The following DLG2 variants were observed in gnomAD, a reference collection of about 807,000 sequenced individuals.
DLG2 encodes disks large homolog 2.
Under a neutral mutation model 132.5 loss-of-function variants are expected in DLG2, and 45 were observed. The observed-to-expected ratio is 0.34, with a 90% CI of 0.27 to 0.44. DLG2 has a LOEUF of 0.44. Ranked by LOEUF, DLG2 falls within the 20% of genes least tolerant of loss-of-function variation. The pLI, the probability that DLG2 is intolerant of heterozygous loss-of-function variation, is 1.00. For missense variants in DLG2, 1,045 were observed against 1,196.9 expected, an observed-to-expected ratio of 0.87 and a Z score of 1.87; for synonymous variants, 424 against 419.6, an observed-to-expected ratio of 1.01 and a Z score of -0.13.
chr11:84,904,476 A>T (rs2091274453), intron 6 of DLG2, among the ~76,000 whole-genome samples: 2 of 152,122 alleles, frequency 1.3e-5, no homozygotes, highest in Non-Finnish European at 1.5e-5. Context: ...TTTTTAACTA[A>T]ATCAGACTAT....
rs374998856 is a variant in DLG2 at position 85,471,271 on chromosome 11, G to A, written c.40+127386C>T. On this transcript the variant is annotated intron_variant, in intron 3 of 27. Transcript: ENST00000376104. ...TTGATCTCTGCTTCAGAAACTTCATGTTTATATTCAAGTTAAGATATATAA... is the reference window on the plus strand; with the variant it reads ...TTGATCTCTGCTTCAGAAACTTCATATTTATATTCAAGTTAAGATATATAA... 1.2e-3 allele frequency among the ~76,000 whole-genome samples: 177 copies of A among 152,150 alleles called. 2 individuals are homozygous for A. In the South Asian group the frequency reaches 0.017, roughly 15 times the overall value.
At chr11:84,966,517 G>T (rs1016315202) in intron 6 of DLG2, among the ~76,000 whole-genome samples, 2 of 152,098 alleles carry the variant, frequency 1.3e-5, no homozygotes, top group Non-Finnish European at 2.9e-5. Context: ...ATAAAGGAAG[G>T]ATTGGAAGAC....
At chr11:85,121,965 A>G (rs1175201491) in intron 5 of DLG2, among the ~76,000 whole-genome samples, 1 of 152,072 alleles carries the variant, frequency 6.6e-6, no homozygotes, top group Non-Finnish European at 1.5e-5. Context: ...GTGTGTGTGT[A>G]GTATGTATGT....
At chr11:84,741,868 C>T (rs1297939566) in intron 6 of DLG2, among the ~76,000 whole-genome samples, 2 of 151,888 alleles carry the variant, frequency 1.3e-5, no homozygotes, top group Non-Finnish European at 2.9e-5. Context: ...AAATAATTAT[C>T]TTAAGGAAGC....
At chr11:84,362,959 G>A (rs1420916878) in intron 7 of DLG2, among the ~76,000 whole-genome samples, 3 of 151,884 alleles carry the variant, frequency 2.0e-5, no homozygotes, top group Non-Finnish European at 2.9e-5. Flanking sequence ...GAATAGTGCT[G>A]CAATAAACAT....
chr11:83,908,409 C>T (rs182396147), intron 15 of DLG2, among the ~76,000 whole-genome samples: 1 of 152,048 alleles, frequency 6.6e-6, no homozygotes, highest in Admixed American at 6.6e-5. Flanking sequence ...CTGAAGCACC[C>T]TGTATTGATT....
chr11:85,511,874 T>C (rs286541), intron 3 of DLG2, among the ~76,000 whole-genome samples: 134,373 of 151,666 alleles, frequency 0.89, 59,769 homozygotes, highest in Non-Finnish European at 0.91. Context: ...ATTAGGACTA[T>C]AGGCACGTGC....
At chr11:84,793,141 C>T (rs751181346) in intron 6 of DLG2, among the ~76,000 whole-genome samples, 1 of 152,028 alleles carries the variant, frequency 6.6e-6, no homozygotes, top group Non-Finnish European at 1.5e-5. Flanking sequence ...AAAAAATTTT[C>T]GGTTTCCTTC....
intron 6 of DLG2, among the ~76,000 whole-genome samples, chr11:84,568,086 T>C (rs565128018): frequency 1.8e-4 from 28 of 152,216 alleles, no homozygotes; most frequent in Admixed American, 7.8e-4. Flanking sequence ...CAGGAAACAC[T>C]AGAGGAAATG....
chr11:85,047,578 A>C (rs780576493), intron 6 of DLG2, among the ~76,000 whole-genome samples: 1 of 151,916 alleles, frequency 6.6e-6, no homozygotes, highest in Non-Finnish European at 1.5e-5. Flanking sequence ...GTATTACATA[A>C]TCTCCCTGAG....
intron 7 of DLG2, among the ~76,000 whole-genome samples, chr11:84,506,771 T>C (rs570887059): frequency 2.6e-5 from 4 of 152,232 alleles, no homozygotes; most frequent in African/African-American, 9.6e-5. Flanking sequence ...TATTTATATG[T>C]GTAGTATCTG....
intron 6 of DLG2, among the ~76,000 whole-genome samples, chr11:85,007,664 CAAAAAAAAAAAAAAAAA>C (rs57188165): frequency 1.1e-5 from 1 of 88,534 alleles, no homozygotes; most frequent in Admixed American, 1.4e-4. Context: ...GACTCCGTCT[CAAAAAAAAAAAAAAAAA>C]AAAAAAAAAG....
chr11:84,170,631 T>C (rs1253412718), intron 8 of DLG2, among the ~76,000 whole-genome samples: 2 of 152,158 alleles, frequency 1.3e-5, no homozygotes, highest in Non-Finnish European at 2.9e-5. Context: ...TGAGAATGTG[T>C]AGGCCTATCA....
chr11:84,442,706 A>AAAAGAAAGAAAGAAAGAAAGAAAG (rs56224511), intron 7 of DLG2, among the ~76,000 whole-genome samples: 45 of 148,976 alleles, frequency 3.0e-4, no homozygotes, highest in African/African-American at 1.1e-3. Context: ...TAATTAAAAA[A>AAAAGAAAGAAAGAAAGAAAGAAAG]AAAGAAAGAA....
At chr11:83,928,721 C>T (rs559294603) in intron 15 of DLG2, among the ~76,000 whole-genome samples, 6 of 152,156 alleles carry the variant, frequency 3.9e-5, no homozygotes, top group Admixed American at 2.6e-4. Context: ...TATCAAGTCT[C>T]GATTTTCTCA....
chr11:84,241,927 G>A (rs1171464103), intron 8 of DLG2, among the ~76,000 whole-genome samples: 1 of 152,162 alleles, frequency 6.6e-6, no homozygotes, highest in African/African-American at 2.4e-5. Context: ...CTAACAACCT[G>A]ACCTGTGAGA....
intron 9 of DLG2, among the ~76,000 whole-genome samples, chr11:84,120,045 T>G (rs2093830968): frequency 6.6e-6 from 1 of 152,188 alleles, no homozygotes; most frequent in African/African-American, 2.4e-5. Context: ...ATGCCTGAAC[T>G]AATTTCAACT....
intron 7 of DLG2, among the ~76,000 whole-genome samples, chr11:84,304,202 C>T (rs76911410): frequency 0.09 from 13,643 of 152,156 alleles, 664 homozygotes; most frequent in Non-Finnish European, 0.1. Flanking sequence ...AATAATGATG[C>T]TACATGAATT....
intron 7 of DLG2, among the ~76,000 whole-genome samples, chr11:84,440,981 A>G (rs1333713614): frequency 6.6e-6 from 1 of 152,204 alleles, no homozygotes. Context: ...AAAGCTATGT[A>G]ATTTCAGTGT....
Sources: gnomAD v4.1 joint callset for allele counts (sites outside exome capture counted in the v4.1 genomes callset) on GRCh38, gnomAD v4.1.1 for gene constraint, MANE v1.5 for transcripts, NCBI Gene and HGNC (gene_info 2026-07-23, HGNC 2026-07-21) for gene names.